LMNA: variants seen among roughly 807,000 people sequenced by gnomAD.
LMNA encodes lamin.
In LMNA, 20 loss-of-function variants were observed where a neutral mutation model predicts 70.4. The ratio of observed to expected loss-of-function variants is 0.28; its 90% CI spans 0.20 to 0.41. The LOEUF is 0.41. LMNA is among the 10% of genes least tolerant of loss of function. LMNA has a pLI of 1.00. For missense variants in LMNA, 652 were observed against 917.2 expected, an observed-to-expected ratio of 0.71 and a Z score of 3.73; for synonymous variants, 339 against 372.8, an observed-to-expected ratio of 0.91 and a Z score of 1.04.
At chr1:156,117,683 C>T (rs1486308691) in intron 1 of LMNA, among the ~76,000 whole-genome samples, 5 of 152,246 alleles carry the variant, frequency 3.3e-5, no homozygotes, top group Non-Finnish European at 1.5e-5. Context: ...CAGGCACCAC[C>T]ACCCACAGCT....
intron 3 of LMNA, among the ~76,000 whole-genome samples, chr1:156,105,365 C>T (rs1649292410): frequency 2.0e-5 from 3 of 151,054 alleles, no homozygotes; most frequent in South Asian, 4.2e-4. Flanking sequence ...CAAGTGCAGT[C>T]CCTTCCCCAT....
chr1:156,097,953 G>A (rs1015400278), intron 3 of LMNA, among the ~76,000 whole-genome samples: 4 of 144,436 alleles, frequency 2.8e-5, no homozygotes, highest in East Asian at 1.9e-4. Context: ...GTGTGCGTGC[G>A]TGTGTGTGTG....
chr1:156,084,328 C>CGTGG (rs1491205878), intron 2 of LMNA, among the ~76,000 whole-genome samples: 5 of 91,050 alleles, frequency 5.5e-5, no homozygotes, highest in African/African-American at 1.9e-4. Flanking sequence ...CTCAGAAGGT[C>CGTGG]GGGGGGTGGT....
intron 1 of LMNA, among the ~76,000 whole-genome samples, chr1:156,127,927 C>T (rs967069831): frequency 1.3e-5 from 2 of 152,026 alleles, no homozygotes; most frequent in African/African-American, 4.8e-5. Context: ...CTCAAGTGAT[C>T]CACCTGCCTT....
At chr1:156,090,354 G>C (rs1648649591) in intron 2 of LMNA, 2 of 152,124 alleles carry the variant, frequency 1.3e-5, no homozygotes, top group African/African-American at 4.8e-5. Context: ...TCTGCTTTCT[G>C]ATCTGTCATG....
chr1:156,108,472 C>T (rs1335631201), intron 3 of LMNA, among the ~76,000 whole-genome samples: 4 of 152,102 alleles, frequency 2.6e-5, no homozygotes, highest in Non-Finnish European at 5.9e-5. Context: ...CAGGCAAACT[C>T]GTATTAAAAT....
At chr1:156,130,581 CCTT>C (rs754095921) in intron 1 of LMNA, 33 bp from the exon 2 acceptor site, 33 of 1,611,764 alleles carry the variant, frequency 2.0e-5, no homozygotes, top group Admixed American at 8.3e-5. Flanking sequence ...CACACAGACT[CCTT>C]CTCTTAAATC....
intron 3 of LMNA, among the ~76,000 whole-genome samples, chr1:156,099,312 C>G (rs1649055610): frequency 1.3e-5 from 2 of 152,174 alleles, no homozygotes; most frequent in African/African-American, 4.8e-5. Context: ...CTGGGCCTAG[C>G]TCCACCACTG....
intron 3 of LMNA, among the ~76,000 whole-genome samples, chr1:156,107,073 G>A (rs1016596588): frequency 2.6e-5 from 4 of 152,222 alleles, no homozygotes; most frequent in African/African-American, 4.8e-5. Flanking sequence ...GAGACAATCA[G>A]TTAGCCTGCC....
At chr1:156,128,700 G>A (rs1650790947) in intron 1 of LMNA, among the ~76,000 whole-genome samples, 1 of 152,226 alleles carries the variant, frequency 6.6e-6, no homozygotes, top group South Asian at 2.1e-4. Context: ...TTGACACTGG[G>A]CCATTCACCT....
At chr1:156,122,003 A>G (rs1229341367) in intron 1 of LMNA, among the ~76,000 whole-genome samples, 1 of 152,076 alleles carries the variant, frequency 6.6e-6, no homozygotes, top group Non-Finnish European at 1.5e-5. Context: ...TAAAAATACA[A>G]AAATTAACCA....
In LMNA at chr1:156,138,324, C is replaced by T. The variant is rs539362723; in HGVS notation, c.1699-164C>T. 34 of 691,600 alleles carry T rather than the reference C, an allele frequency of 4.9e-5. No homozygotes were observed. The highest frequency in any genetic ancestry group is 1.1e-4 in the African/African-American group (6 of 55,754). The allele number at this position is 691,600 out of a possible 1,614,324, so 42.8% of individuals were successfully genotyped here. On this transcript the variant is annotated intron_variant, in intron 10 of 11. Transcript: ENST00000368300. The surrounding 1 kb of genome is among the most constrained non-coding windows in gnomAD (Gnocchi z 5.5). ...CTTTTATGTCTTCCCTCTCCTCCTC[C>T]GGGCCCCTAGCCTCCCAAACCCCCA...
At chr1:156,104,506 G>C (rs1322588688) in intron 3 of LMNA, among the ~76,000 whole-genome samples, 1 of 151,930 alleles carries the variant, frequency 6.6e-6, no homozygotes, top group Non-Finnish European at 1.5e-5. Flanking sequence ...CTCCCTCATG[G>C]TTGATTTCCT....
intron 3 of LMNA, among the ~76,000 whole-genome samples, chr1:156,107,613 A>T (rs1649397013): frequency 6.6e-6 from 1 of 152,096 alleles, no homozygotes; most frequent in African/African-American, 2.4e-5. Context: ...GTGAGATTTC[A>T]TTTGAGTGAG....
chr1:156,114,094 C>T (rs1277451015), upstream of LMNA, among the ~76,000 whole-genome samples: 1 of 152,112 alleles, frequency 6.6e-6, no homozygotes. Context: ...GATCCCTGGC[C>T]CCAAACTGGG....
chr1:156,139,898 G>T lies in LMNA; in HGVS notation c.*792G>T. ...GGAGGTTGAAGCCAAGTGGGGTGCTGGGAGGAGGGAGAGGGAGGTCACTGG... is the reference window on the plus strand; with the variant it reads ...GGAGGTTGAAGCCAAGTGGGGTGCTTGGAGGAGGGAGAGGGAGGTCACTGG... On this transcript the variant is annotated 3_prime_UTR_variant, in exon 12 of 12. Coordinates refer to ENST00000368300, the MANE Select transcript of LMNA (RefSeq NM_170707.4). 7.1e-7 allele frequency: 1 copy of T among 1,399,340 alleles called. No individual in the cohort carries two copies. The highest frequency in any genetic ancestry group is 9.4e-7 in the Non-Finnish European group (1 of 1,064,304). The allele number at this position is 1,399,340 out of a possible 1,614,324, so 86.7% of individuals were successfully genotyped here.
At chr1:156,111,247 G>A (rs544908537), upstream of LMNA, among the ~76,000 whole-genome samples, 50 of 151,852 alleles carry the variant, frequency 3.3e-4, no homozygotes, top group Admixed American at 2.4e-3. Flanking sequence ...TCAGGAGTTC[G>A]AGACCAGCCT....
At chr1:156,089,859 C>T (rs1648628876) in intron 2 of LMNA, among the ~76,000 whole-genome samples, 1 of 152,208 alleles carries the variant, frequency 6.6e-6, no homozygotes, top group South Asian at 2.1e-4. Context: ...GTCTGGGCCC[C>T]TTAGGACAGC....
In LMNA at chr1:156,115,046, C is replaced by A. The variant is rs2102817667; in HGVS notation, c.128C>A (p.Ala43Glu). 6.3e-7 allele frequency: 1 copy of A among 1,595,238 alleles called. No homozygotes were observed. The highest frequency in any genetic ancestry group is 1.7e-5 in the Admixed American group (1 of 57,328). Residue 43 changes from alanine to glutamate, a missense_variant, in exon 1 of 12, where the codon GCG becomes GAG. Ala to Glu is a moderately radical substitution (Grantham distance 107). Coordinates refer to ENST00000368300, the MANE Select transcript of LMNA (RefSeq NM_170707.4). This position sits in a 1 kb window ranked among gnomAD's most constrained non-coding sequence, Gnocchi z 5.8. ...CTGCAGGAGCTCAATGATCGCTTGG[C>A]GGTCTACATCGACCGTGTGCGCTCG... is the stretch of plus-strand genomic sequence containing the variant. ...EDLQELNDRL[A>E]VYIDRVRSLE...
Sources: allele counts gnomAD v4.1 joint callset (sites outside exome capture counted in the v4.1 genomes callset), GRCh38; gene constraint gnomAD v4.1.1; non-coding constraint Gnocchi (gnomAD v3.1); transcripts MANE v1.5; gene names NCBI Gene and HGNC (gene_info 2026-07-23, HGNC 2026-07-21).